The following ATP6V0A4 variants were observed in gnomAD, a reference collection of about 807,000 sequenced individuals.
The protein encoded by ATP6V0A4 is V-type proton ATPase 116 kDa subunit a 4.
ATP6V0A4 carries 86 observed loss-of-function variants against 107.3 expected under a neutral mutation model. The observed-to-expected ratio is 0.80, with a 90% CI of 0.67 to 0.96. The LOEUF (loss-of-function observed/expected upper bound fraction) is 0.96. ATP6V0A4 is among the 40% of genes least tolerant of loss of function. ATP6V0A4 has a pLI of 0.00. For synonymous variants in ATP6V0A4, 353 were observed against 381.4 expected (o/e 0.93, Z 0.87); for missense variants, 908 against 1,045.6 (o/e 0.87, Z 1.81).
chr7:138,776,876 G>A (rs1055980086), intron 2 of ATP6V0A4, among the ~76,000 whole-genome samples: 2 of 152,204 alleles, frequency 1.3e-5, no homozygotes, highest in African/African-American at 4.8e-5. Context: ...GCTGGACGCG[G>A]TGGCTCACGC....
intron 2 of ATP6V0A4, among the ~76,000 whole-genome samples, chr7:138,778,469 A>G (rs1375621357): frequency 6.6e-6 from 1 of 151,974 alleles, no homozygotes; most frequent in African/African-American, 2.4e-5. Context: ...CCAAAATCTG[A>G]AAAAGTCTGA....
chr7:138,756,531 TTTC>T lies in ATP6V0A4; in HGVS notation c.646_648del (p.Glu216del), dbSNP rs770607695. On this transcript the variant is annotated inframe_deletion, in exon 9 of 22. Transcript: ENST00000310018. ...AATATGATGAATATGTTCTTCTGAATTTCTTCTTTCTGGAAAATCAGAATAAGT... is the reference window on the plus strand; with the variant it reads ...AATATGATGAATATGTTCTTCTGAATTTCTTTCTGGAAAATCAGAATAAGT... The T allele has an allele frequency of 3.0e-5, 48 of 1,610,834 alleles. No homozygotes were observed. The highest frequency in any genetic ancestry group is 3.6e-5 in the Non-Finnish European group (43 of 1,179,278).
intron 8 of ATP6V0A4, among the ~76,000 whole-genome samples, chr7:138,757,809 AATAG>A (rs1241181441): frequency 5.3e-5 from 8 of 152,264 alleles, no homozygotes; most frequent in Admixed American, 6.5e-5. Context: ...AAGTGTCCAA[AATAG>A]ATAGTCAACG....
chr7:138,777,966 G>T (rs554678462), intron 2 of ATP6V0A4, among the ~76,000 whole-genome samples: 1 of 152,106 alleles, frequency 6.6e-6, no homozygotes, highest in Non-Finnish European at 1.5e-5. Flanking sequence ...GGAAAATTTC[G>T]CTGACTTCAT....
At chr7:138,770,115 C>G (rs1332673978) in intron 3 of ATP6V0A4, among the ~76,000 whole-genome samples, 1 of 151,720 alleles carries the variant, frequency 6.6e-6, no homozygotes, top group African/African-American at 2.4e-5. Flanking sequence ...TCAAAGGACA[C>G]TTAACAGTGT....
chr7:138,762,324 C>T lies in ATP6V0A4; in HGVS notation c.512+16G>A. On this transcript the variant is annotated intron_variant, in intron 7 of 21. Transcript: ENST00000310018. Reference sequence around the variant, plus strand: ...CCAGGACCAGGGACCCATCTACACACAAGAATTACACTAACCCCAACTTTC... The same window carrying T: ...CCAGGACCAGGGACCCATCTACACATAAGAATTACACTAACCCCAACTTTC... 1 of 1,614,062 alleles carries T rather than the reference C, an allele frequency of 6.2e-7. No individual in the cohort carries two copies. The highest frequency in any genetic ancestry group is 1.1e-5 in the South Asian group (1 of 91,082).
At chr7:138,796,323 C>A (rs755917026) in intron 1 of ATP6V0A4, among the ~76,000 whole-genome samples, 2 of 152,076 alleles carry the variant, frequency 1.3e-5, no homozygotes, top group African/African-American at 2.4e-5. Flanking sequence ...TCCTAGGGCA[C>A]GTTGGCCCTA....
chr7:138,784,083 C>T (rs1327063601), intron 2 of ATP6V0A4, among the ~76,000 whole-genome samples: 2 of 151,724 alleles, frequency 1.3e-5, no homozygotes, highest in Non-Finnish European at 2.9e-5. Context: ...CCAATCCACT[C>T]TTGCAGAAAA....
intron 20 of ATP6V0A4, among the ~76,000 whole-genome samples, chr7:138,710,364 G>C (rs1803679239): frequency 6.6e-6 from 1 of 151,852 alleles, no homozygotes; most frequent in Non-Finnish European, 1.5e-5. Context: ...GCTAATTTTT[G>C]TATATTTAGT....
intron 7 of ATP6V0A4, among the ~76,000 whole-genome samples, chr7:138,761,609 C>T (rs1006676499): frequency 6.8e-5 from 10 of 147,350 alleles, no homozygotes; most frequent in Admixed American, 4.1e-4. Flanking sequence ...CCAGCCTGGA[C>T]GACAGAGCAA....
intron 16 of ATP6V0A4, 75 bp from the exon 17 acceptor site, chr7:138,733,168 C>T: frequency 1.9e-6 from 3 of 1,587,174 alleles, no homozygotes; most frequent in South Asian, 2.3e-5. Flanking sequence ...TCTCTCAAAG[C>T]ACAAAAGCAC....
intron 10 of ATP6V0A4, among the ~76,000 whole-genome samples, chr7:138,753,776 A>G (rs2117293930): frequency 6.6e-6 from 1 of 152,292 alleles, no homozygotes; most frequent in South Asian, 2.1e-4. Flanking sequence ...TCACTTTGCA[A>G]TATAATGCCC....
chr7:138,711,519 A>G (rs923229316), intron 20 of ATP6V0A4, among the ~76,000 whole-genome samples: 2 of 152,182 alleles, frequency 1.3e-5, no homozygotes. Context: ...AGAGAGACAC[A>G]GGCCTGCCAC....
intron 19 of ATP6V0A4, among the ~76,000 whole-genome samples, chr7:138,716,145 T>C (rs1176325857): frequency 6.6e-6 from 1 of 152,208 alleles, no homozygotes; most frequent in Non-Finnish European, 1.5e-5. Flanking sequence ...ATTTGTGCTG[T>C]GCCAGGAAGG....
At chr7:138,783,740 T>C (rs1249847125) in intron 2 of ATP6V0A4, among the ~76,000 whole-genome samples, 1 of 152,020 alleles carries the variant, frequency 6.6e-6, no homozygotes, top group Non-Finnish European at 1.5e-5. Flanking sequence ...AAAATAACTT[T>C]TAAAATGGGA....
chr7:138,746,460 G>A (rs377369686), intron 13 of ATP6V0A4, among the ~76,000 whole-genome samples: 14 of 151,850 alleles, frequency 9.2e-5, no homozygotes, highest in Middle Eastern at 6.8e-3. Flanking sequence ...CCTCGACATC[G>A]CTGACCTAGC....
intron 19 of ATP6V0A4, among the ~76,000 whole-genome samples, chr7:138,720,424 G>A (rs549044806): frequency 6.6e-6 from 1 of 152,248 alleles, no homozygotes; most frequent in Admixed American, 6.5e-5. Context: ...TCTGGATATA[G>A]ATTGAGGGCA....
intron 3 of ATP6V0A4, 61 bp from the exon 4 acceptor site, chr7:138,769,312 C>CTTTTT (rs540481545): frequency 2.2e-4 from 291 of 1,325,700 alleles, no homozygotes; most frequent in African/African-American, 1.1e-3. Context: ...AGATTTCTTT[C>CTTTTT]TTTTTTTTTT....
At position 138,755,798 on chromosome 7, in the gene ATP6V0A4, T is replaced by G. The variant is rs768771288; in HGVS notation, c.723-16A>C. 17 of 1,610,962 alleles carry G rather than the reference T, an allele frequency of 1.1e-5. 1 individual carries two copies. The Middle Eastern group carries it at 4.9e-4, about 47-fold the overall frequency. ...GGCTCGAAACCTGTGTTTAATATAT[T>G]CCAAAGGAAACAGGTGAGTTCTTGC... On this transcript the variant is annotated splice_polypyrimidine_tract_variant and intron_variant, in intron 9 of 21. Coordinates refer to ENST00000310018, the MANE Select transcript of ATP6V0A4 (RefSeq NM_020632.3).
Sources: allele counts gnomAD v4.1 joint callset (sites outside exome capture counted in the v4.1 genomes callset), GRCh38; gene constraint gnomAD v4.1.1; transcripts MANE v1.5; gene names NCBI Gene and HGNC (gene_info 2026-07-23, HGNC 2026-07-21).